TBC1D25: variants seen among roughly 807,000 people sequenced by gnomAD.
The protein encoded by TBC1D25 is TBC1 domain family member 25.
A neutral mutation model predicts 38.8 loss-of-function variants in TBC1D25; 13 were observed. The ratio of observed to expected loss-of-function variants is 0.34; its 90% CI spans 0.22 to 0.53. The LOEUF is 0.53. Among genes scored for constraint, TBC1D25 ranks in the 20% least tolerant of loss-of-function variants. The probability of loss-of-function intolerance (pLI) is 0.94; values close to 1 mark genes in which losing one functional copy is unlikely to be tolerated. For missense variants in TBC1D25, 372 were observed against 600.0 expected (o/e 0.62, Z 3.97); for synonymous variants, 225 against 255.6 (o/e 0.88, Z 1.14).
intron 3 of TBC1D25, among the ~76,000 whole-genome samples, chrX:48,553,451 G>T (rs1428976522): frequency 9.3e-6 from 1 of 107,656 alleles, no homozygotes; most frequent in Non-Finnish European, 1.9e-5. Context: ...GCTGGGTGTG[G>T]GGCCCTTGGA....
chrX:48,547,679 G>A (rs937597690), intron 3 of TBC1D25, among the ~76,000 whole-genome samples: 6 of 112,154 alleles, frequency 5.3e-5, no homozygotes, highest in Non-Finnish European at 9.4e-5. Flanking sequence ...GCTCACGCCT[G>A]TAATCCCAGC....
intron 2 of TBC1D25, among the ~76,000 whole-genome samples, chrX:48,542,387 C>T (rs370519647): frequency 1.8e-5 from 2 of 109,212 alleles, no homozygotes; most frequent in Non-Finnish European, 3.8e-5. Flanking sequence ...AGGCTAGTCT[C>T]GAACACCTGA....
chrX:48,556,175 A>G (rs1602115607), intron 3 of TBC1D25, among the ~76,000 whole-genome samples: 1 of 110,328 alleles, frequency 9.1e-6, no homozygotes, highest in Admixed American at 9.8e-5. Context: ...GTGAGGGGAA[A>G]CTTTGGACAA....
In TBC1D25 at chrX:48,546,280, G is replaced by A. The variant is rs186302380; in HGVS notation, c.388+1257G>A. On this transcript the variant is annotated intron_variant, in intron 3 of 5. Transcript: ENST00000376771. The stretch of plus-strand genomic sequence containing the variant: ...TGTAATCCCAGCAGTTTAGGAGGCC[G>A]AGGCGGGCAGATCACAAGGTCAGGA... 3.0e-3 allele frequency among the ~76,000 whole-genome samples: 312 copies of A among 105,633 alleles called. 1 individual carries two copies. The highest frequency in any genetic ancestry group is 0.01 in the African/African-American group (292 of 28,800). 91.7% of individuals were successfully genotyped at this position (105,633 alleles called of 115,157 possible). A position where few individuals can be genotyped will look rare whatever the true frequency, so the allele number is the denominator to read the frequency against.
chrX:48,545,031 C>T lies in TBC1D25; in HGVS notation c.388+8C>T. On this transcript the variant is annotated splice_region_variant and intron_variant, in intron 3 of 5. Transcript: ENST00000376771. ...TTCGGCCCTCGGAGGACAGTGAGTA[C>T]TCAGTGCCCCCAGGAGCACTGCTCT... 4.1e-6 allele frequency: 5 copies of T among 1,206,423 alleles called. No individual in the cohort carries two copies. Among genetic ancestry groups the T allele is most frequent in the Non-Finnish European group, 5.6e-6 (5 of 893,689 alleles).
intron 2 of TBC1D25, among the ~76,000 whole-genome samples, chrX:48,542,053 TCTAA>T (rs1194498105): frequency 1.1e-5 from 1 of 93,524 alleles, no homozygotes; most frequent in South Asian, 5.2e-4. Flanking sequence ...TGAGATGGAG[TCTAA>T]CTGTCACCCA....
chrX:48,543,145 C>A (rs1432534373), intron 2 of TBC1D25, among the ~76,000 whole-genome samples: 13 of 110,888 alleles, frequency 1.2e-4, no homozygotes, highest in African/African-American at 3.9e-4. Context: ...GAATGTATCC[C>A]CTGTAGATAA....
At position 48,561,499 on chromosome X, in the gene TBC1D25, G is replaced by A. The variant is rs987523433; in HGVS notation, c.*524G>A. On this transcript the variant is annotated 3_prime_UTR_variant, in exon 6 of 6. Transcript: ENST00000376771. ...TATATGTTTTCAGGACAGCCCCCTG[G>A]ATGAGAGATAAGAGAGTTCCTGGCT... 8.9e-6 allele frequency: 1 copy of A among 112,367 alleles called. No individual in the cohort carries two copies. The allele number at this position is 112,367 out of a possible 1,213,427, so 9.3% of individuals were successfully genotyped here.
At chrX:48,543,046 C>T (rs995472621) in intron 2 of TBC1D25, among the ~76,000 whole-genome samples, 4 of 110,631 alleles carry the variant, frequency 3.6e-5, no homozygotes, top group African/African-American at 9.9e-5. Flanking sequence ...TAAACCTTAT[C>T]ATAGGTATGT....
intron 2 of TBC1D25, among the ~76,000 whole-genome samples, chrX:48,542,551 G>A (rs782722276): frequency 4.0e-5 from 4 of 98,879 alleles, no homozygotes; most frequent in Non-Finnish European, 6.1e-5. Flanking sequence ...GCAGTGGTCC[G>A]ATGTTGGCTC....
chrX:48,556,996 A>T (rs905940632), intron 3 of TBC1D25, among the ~76,000 whole-genome samples: 3 of 109,496 alleles, frequency 2.7e-5, no homozygotes, highest in Non-Finnish European at 5.7e-5. Flanking sequence ...TGGGAGGCCA[A>T]GGCAGGAGGA....
Position 48,560,516 on chromosome X carries a change from C to T in TBC1D25, c.1608C>T (p.Ser536=), listed in dbSNP as rs781906169. 2 of 1,210,905 alleles carry T rather than the reference C, an allele frequency of 1.7e-6. No individual in the cohort carries two copies. The highest frequency in any genetic ancestry group is 3.5e-5 in the South Asian group (2 of 56,808). The change falls in exon 6 of 6, where the codon TCC becomes TCT. Residue 536 remains serine, a synonymous_variant. Coordinates refer to ENST00000376771, the MANE Select transcript of TBC1D25 (RefSeq NM_002536.4). ...CCCACCCAGCTGCCCTTATCAGCTC[C>T]AAGTCCCTCTCTGAGCCTTTATTGA... ...QLPHPAALIS[S]KSLSEPLLNS... is the part of the protein sequence containing the mutation.
At chrX:48,551,327 T>TTTTG (rs199561584) in intron 3 of TBC1D25, among the ~76,000 whole-genome samples, 15 of 109,981 alleles carry the variant, frequency 1.4e-4, no homozygotes, top group South Asian at 3.8e-4. Flanking sequence ...TTTGCCTGTT[T>TTTTG]TTTGTTTGTT....
chrX:48,553,250 T>C (rs1556983744), intron 3 of TBC1D25, among the ~76,000 whole-genome samples: 4 of 89,878 alleles, frequency 4.5e-5, no homozygotes, highest in Non-Finnish European at 9.3e-5. Flanking sequence ...GTAATATATA[T>C]AATATAATAT....
In TBC1D25 at chrX:48,545,023, A is replaced by C. The variant is rs2061871613; in HGVS notation, c.388A>C (p.Ser130Arg). Residue 130 changes from serine to arginine, a missense_variant and splice_region_variant, in exon 3 of 6, where the codon AGC becomes CGC. By Grantham distance (110) the Ser-to-Arg change is moderately radical. Transcript: ENST00000376771. ...TGTAGATATTCGGCCCTCGGAGGACAGTGAGTACTCAGTGCCCCCAGGAGC... is the reference window on the plus strand; with the variant it reads ...TGTAGATATTCGGCCCTCGGAGGACCGTGAGTACTCAGTGCCCCCAGGAGC... ...LRVDIRPSEDSPLLEDWDIIS... is the reference protein window; with the variant it reads ...LRVDIRPSEDRPLLEDWDIIS... 8.3e-7 allele frequency: 1 copy of C among 1,208,983 alleles called. No homozygotes were observed. Among genetic ancestry groups the C allele is most frequent in the African/African-American group, 1.7e-5 (1 of 57,197 alleles).
At chrX:48,543,073 AC>A (rs1210879836) in intron 2 of TBC1D25, among the ~76,000 whole-genome samples, 1 of 110,958 alleles carries the variant, frequency 9.0e-6, no homozygotes, top group Non-Finnish European at 1.9e-5. Flanking sequence ...ATGAAAAAAA[AC>A]ATAGTATATA....
chrX:48,560,735 G>A lies in TBC1D25; in HGVS notation c.1827G>A (p.Gln609=). The change falls in exon 6 of 6, where the codon CAG becomes CAA. Residue 609 remains glutamine, a synonymous_variant. Coordinates refer to ENST00000376771, the MANE Select transcript of TBC1D25 (RefSeq NM_002536.4). ...CACCAATGGGCCTGCCCCCACCCCA[G>A]GAGTTTGGCCGGGGGAACCCATTCA... The part of the protein sequence containing the change: ...PVPPMGLPPP[Q]EFGRGNPFML... The A allele has an allele frequency of 8.3e-7, 1 of 1,211,705 alleles. No homozygotes were observed. The highest frequency in any genetic ancestry group is 1.8e-5 in the South Asian group (1 of 56,937).
At chrX:48,540,070 G>GGAGGGCCT (rs1602097355) in intron 1 of TBC1D25, 150 bp downstream of exon 1, 1 of 813,694 alleles carries the variant, frequency 1.2e-6, no homozygotes, top group African/African-American at 2.1e-5. Flanking sequence ...CGAGGGGTAG[G>GGAGGGCCT]GAGGGCCTGA....
intron 1 of TBC1D25, 89 bp downstream of exon 1, chrX:48,540,009 A>C (rs1030049130): frequency 2.6e-5 from 24 of 929,632 alleles, no homozygotes; most frequent in Middle Eastern, 2.9e-4. Flanking sequence ...GCGGGACCTG[A>C]GATTTCGGAC....
Sources: gnomAD v4.1 joint callset for allele counts (sites outside exome capture counted in the v4.1 genomes callset) on GRCh38, gnomAD v4.1.1 for gene constraint, MANE v1.5 for transcripts, NCBI Gene and HGNC (gene_info 2026-07-23, HGNC 2026-07-21) for gene names.